PDLIM5: variants seen among roughly 807,000 people sequenced by gnomAD.
PDLIM5 encodes the protein PDZ and LIM domain 5.
In PDLIM5, 34 loss-of-function variants were observed where a neutral mutation model predicts 64.2. That is an observed-to-expected ratio of 0.53 (90% confidence interval 0.40 to 0.71). The LOEUF (loss-of-function observed/expected upper bound fraction) is 0.71, where lower values mean the gene tolerates loss of function less well. Ranked by LOEUF, PDLIM5 falls within the 30% of genes least tolerant of loss-of-function variation. PDLIM5 has a pLI of 0.00. For synonymous variants in PDLIM5, 253 were observed against 269.1 expected (o/e 0.94, Z 0.59); for missense variants, 683 against 733.6 (o/e 0.93, Z 0.80).
intron 3 of PDLIM5, among the ~76,000 whole-genome samples, chr4:94,540,897 TAC>T (rs1302111971): frequency 6.6e-6 from 1 of 152,210 alleles, no homozygotes; most frequent in East Asian, 1.9e-4. Flanking sequence ...AAGAAAAAGA[TAC>T]AGAGTACTCG....
chr4:94,514,360 T>A (rs1237814715), intron 2 of PDLIM5, among the ~76,000 whole-genome samples: 1 of 152,026 alleles, frequency 6.6e-6, no homozygotes, highest in Non-Finnish European at 1.5e-5. Context: ...GGTCTCAATC[T>A]CCTGACCTTG....
At chr4:94,529,476 G>A (rs1232583674) in intron 3 of PDLIM5, among the ~76,000 whole-genome samples, 6 of 151,994 alleles carry the variant, frequency 3.9e-5, no homozygotes, top group Non-Finnish European at 7.4e-5. Context: ...GAAAATATAC[G>A]TGTATATTCA....
intron 2 of PDLIM5, among the ~76,000 whole-genome samples, chr4:94,501,441 A>T (rs1419681859): frequency 6.6e-6 from 1 of 152,130 alleles, no homozygotes; most frequent in Admixed American, 6.5e-5. Flanking sequence ...TGTAGTGCTA[A>T]TCAAAGTGCT....
chr4:94,523,237 A>G (rs182943378), intron 2 of PDLIM5, among the ~76,000 whole-genome samples: 99 of 152,300 alleles, frequency 6.5e-4, no homozygotes, highest in African/African-American at 2.1e-3. Flanking sequence ...CCTGGATATG[A>G]ACTGGACTCA....
intron 9 of PDLIM5, among the ~76,000 whole-genome samples, chr4:94,652,022 C>CA (rs1207411704): frequency 6.6e-6 from 1 of 152,146 alleles, no homozygotes; most frequent in East Asian, 1.9e-4. Flanking sequence ...GAAAATCTGG[C>CA]AAATGGAATG....
intron 2 of PDLIM5, among the ~76,000 whole-genome samples, chr4:94,483,722 A>G: frequency 6.6e-6 from 1 of 152,136 alleles, no homozygotes; most frequent in East Asian, 1.9e-4. Flanking sequence ...TCCGTTCGTG[A>G]TTATTTCCAT....
chr4:94,555,089 G>A (rs111322874), intron 3 of PDLIM5, among the ~76,000 whole-genome samples: 42,108 of 152,050 alleles, frequency 0.28, 7,250 homozygotes, highest in South Asian at 0.52. Context: ...GTCTCACTCT[G>A]TTGCCCCAGC....
chr4:94,536,205 G>A (rs1160553909), intron 3 of PDLIM5, among the ~76,000 whole-genome samples: 2 of 152,042 alleles, frequency 1.3e-5, no homozygotes, highest in African/African-American at 4.8e-5. Context: ...AGAGACTGAG[G>A]AGAGACAGCA....
At chr4:94,654,260 G>GCACGT (rs1454046229) in intron 9 of PDLIM5, among the ~76,000 whole-genome samples, 200 bp from the exon 10 acceptor site, 6 of 152,102 alleles carry the variant, frequency 3.9e-5, no homozygotes, top group Non-Finnish European at 8.8e-5. Flanking sequence ...TCCCTTAAGT[G>GCACGT]CACGTCTCCC....
chr4:94,576,175 G>A, intron 5 of PDLIM5, 141 bp downstream of exon 5: 1 of 665,758 alleles, frequency 1.5e-6, no homozygotes, highest in East Asian at 2.7e-5. Context: ...ATTAACATAT[G>A]GCCTTTATAT....
chr4:94,478,834 T>A (rs1560642726), intron 2 of PDLIM5, among the ~76,000 whole-genome samples: 1 of 151,612 alleles, frequency 6.6e-6, no homozygotes, highest in African/African-American at 2.4e-5. Flanking sequence ...ATTAAAATTA[T>A]TTTTTTGGTT....
intron 2 of PDLIM5, among the ~76,000 whole-genome samples, chr4:94,476,019 C>T (rs1458814639): frequency 6.6e-6 from 1 of 152,108 alleles, no homozygotes; most frequent in East Asian, 1.9e-4. Flanking sequence ...ATATATTGCT[C>T]TTAGGTCATT....
At chr4:94,592,048 A>G (rs1371322769) in intron 7 of PDLIM5, among the ~76,000 whole-genome samples, 1 of 152,248 alleles carries the variant, frequency 6.6e-6, no homozygotes, top group Non-Finnish European at 1.5e-5. Context: ...GAGGACTGAA[A>G]GTCATGTGGA....
intron 3 of PDLIM5, among the ~76,000 whole-genome samples, chr4:94,527,555 A>T (rs528110899): frequency 2.0e-5 from 3 of 152,302 alleles, no homozygotes; most frequent in African/African-American, 7.2e-5. Context: ...CCTAGAGCAG[A>T]GTCTGAGATG....
At chr4:94,534,449 G>A (rs3805286) in intron 3 of PDLIM5, among the ~76,000 whole-genome samples, 35,109 of 151,984 alleles carry the variant, frequency 0.23, 4,362 homozygotes, top group African/African-American at 0.31. Flanking sequence ...ATTATGACTA[G>A]CAGCCATAAG....
At chr4:94,506,099 T>G (rs999467234) in intron 2 of PDLIM5, among the ~76,000 whole-genome samples, 1 of 152,166 alleles carries the variant, frequency 6.6e-6, no homozygotes, top group African/African-American at 2.4e-5. Flanking sequence ...TTTCAAGGAT[T>G]TTAGGAGCTG....
chr4:94,536,588 A>T (rs571422815), intron 3 of PDLIM5, among the ~76,000 whole-genome samples: 1 of 152,346 alleles, frequency 6.6e-6, no homozygotes. Flanking sequence ...GTCATAGAAG[A>T]TACCAAATAT....
intron 2 of PDLIM5, among the ~76,000 whole-genome samples, chr4:94,475,606 G>C (rs920705636): frequency 6.6e-6 from 1 of 152,050 alleles, no homozygotes; most frequent in African/African-American, 2.4e-5. Flanking sequence ...TGATTACCAG[G>C]GTTAAGGGGC....
intron 2 of PDLIM5, among the ~76,000 whole-genome samples, chr4:94,494,195 C>T (rs770349055): frequency 7.2e-5 from 11 of 151,726 alleles, no homozygotes; most frequent in South Asian, 2.1e-4. Flanking sequence ...CTCCAACTCC[C>T]GGCCTCAAGC....
Sources: allele counts gnomAD v4.1 joint callset (sites outside exome capture counted in the v4.1 genomes callset), GRCh38; gene constraint gnomAD v4.1.1; transcripts MANE v1.5; gene names NCBI Gene and HGNC (gene_info 2026-07-23, HGNC 2026-07-21).